LMLN: variants seen among roughly 807,000 people sequenced by gnomAD.
The protein encoded by LMLN is leishmanolysin-like peptidase.
LMLN carries 70 observed loss-of-function variants against 92.3 expected under a neutral mutation model. The observed-to-expected ratio is 0.76, with a 90% CI of 0.63 to 0.92. LMLN has a LOEUF of 0.92. Among genes scored for constraint, LMLN ranks in the 40% least tolerant of loss-of-function variants. LMLN has a pLI of 0.00. For missense variants in LMLN, 691 were observed against 814.6 expected (o/e 0.85, Z 1.85); for synonymous variants, 308 against 296.2 (o/e 1.04, Z -0.41).
chr3:197,991,816 A>G (rs551663097), intron 9 of LMLN, among the ~76,000 whole-genome samples: 1 of 151,702 alleles, frequency 6.6e-6, no homozygotes, highest in East Asian at 1.9e-4. Context: ...ATCTCTAACT[A>G]AAGGACAGAT....
Position 197,976,119 on chromosome 3 carries a change from A to T in LMLN, c.431+8A>T. The T allele has an allele frequency of 6.4e-7, 1 of 1,552,356 alleles. No homozygotes were observed. The highest frequency in any genetic ancestry group is 8.8e-7 in the Non-Finnish European group (1 of 1,131,322). On this transcript the variant is annotated splice_region_variant and intron_variant, in intron 4 of 15. Coordinates refer to ENST00000330198, the Ensembl canonical transcript of LMLN. ...CACTATCTTACTTAGCAGGTATGTC[A>T]CATGAAACACAGATCATTTTCTTCA...
chr3:197,968,451 G>A (rs1721124087), intron 1 of LMLN, among the ~76,000 whole-genome samples: 1 of 150,726 alleles, frequency 6.6e-6, no homozygotes, highest in African/African-American at 2.4e-5. Context: ...GCAAGACTCT[G>A]TCTCAAAAAA....
In LMLN at chr3:198,025,570, A is replaced by G. The variant is rs1722910067; in HGVS notation, c.1656+782A>G. Among the ~76,000 whole-genome samples the G allele has an allele frequency of 6.6e-6, 1 of 152,016 alleles. No homozygotes were observed. The highest frequency in any genetic ancestry group is 1.5e-5 in the Non-Finnish European group (1 of 68,006). ...TTTTTTGTAGAGAAGAGGTCTCACT[A>G]TGTTGCCCAGGCTAGATTAGAACTT... On this transcript the variant is annotated intron_variant, in intron 14 of 15. Transcript: ENST00000330198. This position sits in a 1 kb window ranked among gnomAD's most constrained non-coding sequence, Gnocchi z 4.3.
intron 1 of LMLN, among the ~76,000 whole-genome samples, chr3:197,970,475 G>A (rs2109848870): frequency 6.6e-6 from 1 of 152,292 alleles, no homozygotes; most frequent in East Asian, 1.9e-4. Context: ...TCTCCTAGTA[G>A]AGTCACTTAG....
At chr3:197,983,282 T>C (rs568415231) in intron 6 of LMLN, among the ~76,000 whole-genome samples, 38 of 152,322 alleles carry the variant, frequency 2.5e-4, no homozygotes, top group African/African-American at 8.7e-4. Flanking sequence ...GCATTGTTCA[T>C]TGGCTGCAGC....
intron 1 of LMLN, among the ~76,000 whole-genome samples, chr3:197,971,789 T>C (rs1721231342): frequency 6.6e-6 from 1 of 152,032 alleles, no homozygotes; most frequent in East Asian, 1.9e-4. Context: ...AGTGAACTTC[T>C]TGGATCTGTA....
chr3:197,962,845 A>C (rs1229926236), intron 1 of LMLN, among the ~76,000 whole-genome samples: 1 of 151,704 alleles, frequency 6.6e-6, no homozygotes, highest in African/African-American at 2.4e-5. Context: ...GAAATCAGAC[A>C]GTATTGTTAT....
At chr3:198,024,070 C>T (rs910863985) in intron 13 of LMLN, among the ~76,000 whole-genome samples, 2 of 152,090 alleles carry the variant, frequency 1.3e-5, no homozygotes, top group East Asian at 1.9e-4. Context: ...AGTGATCTAA[C>T]GATTCTTAGT....
chr3:198,030,851 C>A (rs145537519), intron 14 of LMLN, among the ~76,000 whole-genome samples: 306 of 152,252 alleles, frequency 2.0e-3, no homozygotes, highest in African/African-American at 6.9e-3. Flanking sequence ...CACTGTGACG[C>A]CTGCTGACAG....
chr3:197,986,614 G>A (rs1461524123), intron 8 of LMLN, among the ~76,000 whole-genome samples: 2 of 152,164 alleles, frequency 1.3e-5, no homozygotes, highest in Non-Finnish European at 1.5e-5. Context: ...GATTAATAAG[G>A]TAAAAACTTT....
intron 11 of LMLN, among the ~76,000 whole-genome samples, chr3:198,001,292 C>G (rs1722165104): frequency 6.6e-6 from 1 of 152,128 alleles, no homozygotes; most frequent in Admixed American, 6.5e-5. Context: ...TAACAAAGTG[C>G]CTACCATGCG....
intron 14 of LMLN, among the ~76,000 whole-genome samples, chr3:198,028,441 C>G (rs1722994469): frequency 1.3e-5 from 2 of 152,162 alleles, no homozygotes; most frequent in South Asian, 4.1e-4. Context: ...CTGAGACTAA[C>G]ATAAATAAGA....
intron 11 of LMLN, among the ~76,000 whole-genome samples, chr3:198,015,549 C>T (rs1221778126): frequency 1.5e-5 from 2 of 137,332 alleles, no homozygotes; most frequent in African/African-American, 5.6e-5. Flanking sequence ...CTTCAGAGCC[C>T]CCTAACTAGT....
chr3:197,985,176 G>A (rs187101969), intron 7 of LMLN, among the ~76,000 whole-genome samples: 5 of 152,070 alleles, frequency 3.3e-5, no homozygotes, highest in African/African-American at 9.7e-5. Flanking sequence ...TCTTGGCCAC[G>A]TATCTCAGTG....
intron 12 of LMLN, among the ~76,000 whole-genome samples, 187 bp from the exon 14 acceptor site, chr3:198,021,256 TGTA>T (rs1432335579): frequency 2.6e-5 from 4 of 152,248 alleles, no homozygotes; most frequent in African/African-American, 9.6e-5. Flanking sequence ...TTTGTAAAAC[TGTA>T]GCAACCTTTA....
intron 15 of LMLN, among the ~76,000 whole-genome samples, chr3:198,037,885 A>ATATT (rs1402725006): frequency 6.6e-6 from 1 of 152,222 alleles, no homozygotes; most frequent in Non-Finnish European, 1.5e-5. Flanking sequence ...GTATGGGTAG[A>ATATT]TATTTAGAAA....
intron 1 of LMLN, among the ~76,000 whole-genome samples, chr3:197,963,037 G>A (rs1720948607): frequency 6.6e-6 from 1 of 152,036 alleles, no homozygotes; most frequent in Non-Finnish European, 1.5e-5. Context: ...GATTGGGATT[G>A]CATTTACTCT....
At chr3:198,003,450 C>G (rs891263199) in intron 11 of LMLN, among the ~76,000 whole-genome samples, 2 of 151,990 alleles carry the variant, frequency 1.3e-5, no homozygotes, top group Admixed American at 6.6e-5. Flanking sequence ...GAGAATGCAC[C>G]TGTAAACATA....
At chr3:197,976,473 C>T (rs1263989570) in intron 4 of LMLN, 125 bp from the exon 5 acceptor site, 1 of 571,744 alleles carries the variant, frequency 1.7e-6, no homozygotes, top group Non-Finnish European at 3.1e-6. Context: ...TAGCTACTTT[C>T]CTGACTAAAA....
Sources: allele counts gnomAD v4.1 joint callset (sites outside exome capture counted in the v4.1 genomes callset), GRCh38; gene constraint gnomAD v4.1.1; non-coding constraint Gnocchi (gnomAD v3.1); transcripts MANE v1.5; gene names NCBI Gene and HGNC (gene_info 2026-07-23, HGNC 2026-07-21).